SLC26A3: variants seen among roughly 807,000 people sequenced by gnomAD.
SLC26A3 encodes chloride anion exchanger.
In SLC26A3, 64 loss-of-function variants were observed where a neutral mutation model predicts 85.6. The ratio of observed to expected loss-of-function variants is 0.75; its 90% CI spans 0.61 to 0.92. SLC26A3 has a LOEUF of 0.92. Ranked by LOEUF, SLC26A3 falls within the 40% of genes least tolerant of loss-of-function variation. The probability of loss-of-function intolerance (pLI) is 0.00; values close to 1 mark genes in which losing one functional copy is unlikely to be tolerated. For synonymous variants in SLC26A3, 349 were observed against 336.0 expected (o/e 1.04, Z -0.42); for missense variants, 922 against 927.3 (o/e 0.99, Z 0.07).
intron 3 of SLC26A3, 52 bp downstream of exon 3, chr7:107,793,690 A>G: frequency 7.2e-7 from 1 of 1,391,008 alleles, no homozygotes; most frequent in Non-Finnish European, 1.0e-6. Flanking sequence ...AGCTGTACAC[A>G]TTCAGAGGAA....
intron 7 of SLC26A3, 67 bp downstream of exon 7, chr7:107,787,290 A>G (rs944102271): frequency 1.9e-6 from 3 of 1,559,212 alleles, no homozygotes; most frequent in African/African-American, 2.7e-5. Flanking sequence ...TGAGCTACAA[A>G]TGGTGAAGGA....
At position 107,794,617 on chromosome 7, in the gene SLC26A3, G is replaced by T. The variant is rs533811705; in HGVS notation, c.-88-20C>A. The T allele has an allele frequency of 4.2e-6, 5 of 1,187,050 alleles. No individual in the cohort carries two copies. Among genetic ancestry groups the T allele is most frequent in the Non-Finnish European group, 5.0e-6 (4 of 795,330 alleles). The allele number at this position is 1,187,050 out of a possible 1,614,324, so 73.5% of individuals were successfully genotyped here. Reference sequence around the variant, plus strand: ...AAATGCCTGAAACCAAACAGAGCTTGCTTCTTAAATAACTCAGAGATAATG... The same window carrying T: ...AAATGCCTGAAACCAAACAGAGCTTTCTTCTTAAATAACTCAGAGATAATG... On this transcript the variant is annotated intron_variant, in intron 1 of 20. Transcript: ENST00000340010.
At chr7:107,782,760 C>T in intron 11 of SLC26A3, 37 bp downstream of exon 11, 1 of 1,582,296 alleles carries the variant, frequency 6.3e-7, no homozygotes, top group Non-Finnish European at 8.7e-7. Context: ...CTTGATTTAC[C>T]ACTAAAAGTA....
At chr7:107,770,170 TTTTTTTTTTTTAAAAAAAAAAAGGG>T in intron 18 of SLC26A3, among the ~76,000 whole-genome samples, 1 of 12,898 alleles carries the variant, frequency 7.8e-5, no homozygotes, top group African/African-American at 4.5e-4. Flanking sequence ...TTTTTTTTTT[TTTTTTTTTTTTAAAAAAAAAAAGGG>T]GTTTTTTTTT....
chr7:107,779,894 C>T (rs761196097), intron 11 of SLC26A3, 131 bp from the exon 12 acceptor site: 59 of 764,920 alleles, frequency 7.7e-5, no homozygotes, highest in Admixed American at 1.2e-4. Context: ...CACCCTTTTC[C>T]GGTGTGCGAT....
chr7:107,784,020 G>T (rs1184641390), intron 8 of SLC26A3, among the ~76,000 whole-genome samples: 1 of 152,178 alleles, frequency 6.6e-6, no homozygotes, highest in Admixed American at 6.5e-5. Context: ...CATAAAAGGT[G>T]CATGTATCTT....
chr7:107,792,494 C>T (rs1316555406), intron 3 of SLC26A3, among the ~76,000 whole-genome samples: 1 of 151,884 alleles, frequency 6.6e-6, no homozygotes, highest in African/African-American at 2.4e-5. Context: ...CTTGCGTGCA[C>T]AGTTCACGAT....
chr7:107,786,144 G>A (rs55976107), intron 8 of SLC26A3, among the ~76,000 whole-genome samples: 42,332 of 152,004 alleles, frequency 0.28, 6,219 homozygotes, highest in Middle Eastern at 0.54. Flanking sequence ...GACTGCTCAC[G>A]TGGAGTGCCT....
intron 6 of SLC26A3, among the ~76,000 whole-genome samples, chr7:107,788,689 T>C (rs905192432): frequency 6.6e-6 from 1 of 152,160 alleles, no homozygotes; most frequent in African/African-American, 2.4e-5. Context: ...ATTAGCTGTA[T>C]GGTAGATGTG....
At chr7:107,779,625 A>G (rs1171602933) in intron 12 of SLC26A3, 43 bp downstream of exon 12, 3 of 1,432,352 alleles carry the variant, frequency 2.1e-6, no homozygotes, top group Non-Finnish European at 3.0e-6. Flanking sequence ...TTAAAATGCT[A>G]TTGTGATTTA....
At chr7:107,783,950 G>T (rs892460294) in intron 8 of SLC26A3, among the ~76,000 whole-genome samples, 1 of 152,160 alleles carries the variant, frequency 6.6e-6, no homozygotes, top group Non-Finnish European at 1.5e-5. Flanking sequence ...CTCACAGGGC[G>T]TACTTCTGTG....
intron 1 of SLC26A3, among the ~76,000 whole-genome samples, chr7:107,796,994 G>C (rs778064896): frequency 6.6e-6 from 1 of 151,746 alleles, no homozygotes; most frequent in East Asian, 1.9e-4. Flanking sequence ...TTTTTTTGCC[G>C]ATGACAGTGA....
chr7:107,798,511 CT>C (rs1256523725), intron 1 of SLC26A3, among the ~76,000 whole-genome samples: 2 of 152,192 alleles, frequency 1.3e-5, no homozygotes, highest in Non-Finnish European at 2.9e-5. Context: ...GTGTTTTAGT[CT>C]TTCAGAGGTC....
In SLC26A3 at chr7:107,770,000, C is replaced by CTGTCTTTCTT. The variant is rs1306096940; in HGVS notation, c.2062+2053_2062+2054insAAGAAAGACA. The stretch of plus-strand genomic sequence containing the variant: ...CCCTCCCTTCCTTCCTTCCTTTTTT[C>CTGTCTTTCTT]TCTTTCTTTCTTTCTTTCTTTCTTT... On this transcript the variant is annotated intron_variant, in intron 18 of 20. Transcript: ENST00000340010. Among the ~76,000 whole-genome samples the CTGTCTTTCTT allele has an allele frequency of 7.6e-5, 10 of 131,102 alleles. No individual in the cohort carries two copies. The East Asian group carries it at 2.2e-3, about 29-fold the overall frequency. The allele number at this position is 131,102 out of a possible 152,430, so 86.0% of individuals were successfully genotyped here.
At position 107,778,203 on chromosome 7, in the gene SLC26A3, G is replaced by A; in HGVS notation, c.1486C>T (p.Leu496=). 1.2e-6 allele frequency: 2 copies of A among 1,613,782 alleles called. No individual in the cohort carries two copies. The highest frequency in any genetic ancestry group is 1.7e-6 in the Non-Finnish European group (2 of 1,179,736). ...TGGGTCCTGAACACGATGGTTAGCA[G>A]TTGAAATGCCACACTAGCTGCCAGG... is the stretch of plus-strand genomic sequence containing the variant. ...LGLAASVAFQ[L]LTIVFRTQFP... is the part of the protein sequence containing the mutation. The change falls in exon 13 of 21, where the codon CTG becomes TTG. Residue 496 remains leucine, a synonymous_variant. Coordinates refer to ENST00000340010, the MANE Select transcript of SLC26A3 (RefSeq NM_000111.3).
At chr7:107,802,127 A>G (rs1237471161) in intron 1 of SLC26A3, among the ~76,000 whole-genome samples, 4 of 151,496 alleles carry the variant, frequency 2.6e-5, no homozygotes, top group Non-Finnish European at 5.9e-5. Flanking sequence ...ATCTTTATGC[A>G]GTCAAATTTC....
At chr7:107,768,074 A>G (rs1327701188) in intron 18 of SLC26A3, among the ~76,000 whole-genome samples, 166 bp from the exon 19 acceptor site, 3 of 152,216 alleles carry the variant, frequency 2.0e-5, no homozygotes, top group East Asian at 1.9e-4. Flanking sequence ...CTTTAGTACA[A>G]TGTCTTTTGG....
chr7:107,791,747 T>C (rs548883455), intron 4 of SLC26A3, 83 bp downstream of exon 4: 14 of 916,212 alleles, frequency 1.5e-5, no homozygotes, highest in Middle Eastern at 2.1e-4. Flanking sequence ...TTATGTGAAA[T>C]TTGGAATTGA....
At chr7:107,793,700 AG>A in intron 3 of SLC26A3, 41 bp downstream of exon 3, 2 of 1,458,342 alleles carry the variant, frequency 1.4e-6, no homozygotes, top group Non-Finnish European at 1.9e-6. Flanking sequence ...ATTCAGAGGA[AG>A]AATTTTATTG....
Sources: allele counts gnomAD v4.1 joint callset (sites outside exome capture counted in the v4.1 genomes callset), GRCh38; gene constraint gnomAD v4.1.1; transcripts MANE v1.5; gene names NCBI Gene and HGNC (gene_info 2026-07-23, HGNC 2026-07-21).